The following CSMD2 variants were observed in gnomAD, a reference collection of about 807,000 sequenced individuals.
CSMD2 encodes CUB and sushi domain-containing protein 2.
CSMD2 carries 130 observed loss-of-function variants against 398.5 expected under a neutral mutation model. The ratio of observed to expected loss-of-function variants is 0.33; its 90% CI spans 0.28 to 0.38. The LOEUF is 0.38. Among genes scored for constraint, CSMD2 ranks in the 10% least tolerant of loss-of-function variants. The pLI is 1.00. For missense variants in CSMD2, 3,829 were observed against 4,764.9 expected (o/e 0.80, Z 5.78); for synonymous variants, 1,828 against 1,908.5 (o/e 0.96, Z 1.10).
chr1:33,663,314 G>A (rs1382444628), intron 25 of CSMD2, among the ~76,000 whole-genome samples: 1 of 152,126 alleles, frequency 6.6e-6, no homozygotes, highest in Non-Finnish European at 1.5e-5. Context: ...AAGGGTGCGA[G>A]GTGTAGGTTT....
chr1:33,791,189 A>C (rs1335731087), intron 11 of CSMD2, among the ~76,000 whole-genome samples: 1 of 152,210 alleles, frequency 6.6e-6, no homozygotes. Flanking sequence ...GTTGGGAAGG[A>C]GTGTGGCATG....
chr1:33,760,757 T>C (rs183350682), intron 13 of CSMD2, among the ~76,000 whole-genome samples: 4 of 152,130 alleles, frequency 2.6e-5, no homozygotes, highest in African/African-American at 7.2e-5. Context: ...ACATTCAATT[T>C]TGGCTGAATT....
chr1:34,033,203 G>T (rs963145259), intron 2 of CSMD2, among the ~76,000 whole-genome samples: 12 of 152,056 alleles, frequency 7.9e-5, no homozygotes, highest in Admixed American at 7.9e-4. Flanking sequence ...AGTTTTTAAA[G>T]AAAGCAAAAA....
At chr1:34,129,078 G>A (rs950517421) in intron 1 of CSMD2, among the ~76,000 whole-genome samples, 2 of 151,588 alleles carry the variant, frequency 1.3e-5, no homozygotes, top group South Asian at 4.1e-4. Flanking sequence ...GTACGTGGCT[G>A]CATGCCCACC....
intron 1 of CSMD2, among the ~76,000 whole-genome samples, chr1:34,090,787 T>C (rs991013573): frequency 1.1e-4 from 16 of 152,254 alleles, no homozygotes; most frequent in Non-Finnish European, 2.1e-4. Context: ...GGTGAGGTCA[T>C]GCCAACCTCC....
Position 33,600,907 on chromosome 1 carries a change from G to A in CSMD2, c.6814C>T (p.Arg2272Cys), listed in dbSNP as rs1203779321. ...AAGATCCCCCCTGTGGCTGCATCAC[G>A]GTGGAACTTGAGCAGGACCTGGTTG... The part of the protein sequence containing the change: ...SSNQVLLKFH[R>C]DAATGGIFAI... Residue 2272 changes from arginine (R) to cysteine (C), a missense_variant, in exon 44 of 71, where the codon CGT becomes TGT. Coordinates refer to ENST00000373381, the MANE Select transcript of CSMD2 (RefSeq NM_001281956.2). 7 of 1,614,118 alleles carry A rather than the reference G, an allele frequency of 4.3e-6. No individual in the cohort carries two copies. Among genetic ancestry groups the A allele is most frequent in the East Asian group, 4.5e-5 (2 of 44,880 alleles).
At chr1:33,567,975 G>GGGTGCCAAGTCCT in intron 52 of CSMD2, 134 bp from the exon 53 acceptor site, 3 of 1,075,298 alleles carry the variant, frequency 2.8e-6, no homozygotes, top group Non-Finnish European at 3.9e-6. Flanking sequence ...TGAGGACTTG[G>GGGTGCCAAGTCCT]CACCCCAAAT....
intron 41 of CSMD2, among the ~76,000 whole-genome samples, chr1:33,609,001 C>T (rs1223621153): frequency 2.0e-5 from 3 of 152,206 alleles, no homozygotes; most frequent in Admixed American, 6.5e-5. Context: ...CCATCCGACG[C>T]GTCATGACCT....
chr1:34,107,317 T>C (rs1458754472), intron 1 of CSMD2, among the ~76,000 whole-genome samples: 4 of 152,218 alleles, frequency 2.6e-5, no homozygotes, highest in African/African-American at 9.6e-5. Flanking sequence ...GCACCCACTG[T>C]GTCCCAGTGA....
In CSMD2 at chr1:34,143,865, A is replaced by C. The variant is rs539990103; in HGVS notation, c.187+21046T>G. Among the ~76,000 whole-genome samples, 7 of 152,270 alleles carry C rather than the reference A, an allele frequency of 4.6e-5. No homozygotes were observed. In the South Asian group the frequency reaches 1.5e-3, roughly 32 times the overall value. On this transcript the variant is annotated intron_variant, in intron 1 of 70. Transcript: ENST00000373381. ...TGATGCCCGGCCCTAATCTGACATC[A>C]GTTTCTATCAAGGAGTTAACCAAGG...
In CSMD2 at chr1:33,582,373, T is replaced by C. The variant is rs979971387; in HGVS notation, c.7240+1269A>G. Among the ~76,000 whole-genome samples the C allele has an allele frequency of 2.0e-5, 3 of 152,138 alleles. No individual in the cohort carries two copies. The East Asian group carries it at 5.8e-4, about 29-fold the overall frequency. On this transcript the variant is annotated intron_variant, in intron 47 of 70. Transcript: ENST00000373381. Reference sequence around the variant, plus strand: ...CCAAGAAGAGCAGCCAAAACAAGTATAACTATATGAACAAAACAGATCATT... The same window carrying C: ...CCAAGAAGAGCAGCCAAAACAAGTACAACTATATGAACAAAACAGATCATT...
rs748785808 is a variant in CSMD2 at position 33,635,299 on chromosome 1, G to A, written c.5001C>T (p.Asp1667=). The part of the protein sequence containing the change: ...APCGGQYVGS[D]GVVLSPNYPQ... ...GGTAGTTGGGGGACAAGACCACTCC[G>A]TCCGAACCCACATACTGTCCCCCAC... Residue 1667 remains aspartate (D), a synonymous_variant, in exon 31 of 71, where the codon GAC becomes GAT. Coordinates refer to ENST00000373381, the MANE Select transcript of CSMD2 (RefSeq NM_001281956.2). The surrounding 1 kb of genome is among the most constrained non-coding windows in gnomAD (Gnocchi z 5.0). The A allele has an allele frequency of 5.6e-6, 9 of 1,612,696 alleles. No individual in the cohort carries two copies. The highest frequency in any genetic ancestry group is 2.7e-5 in the African/African-American group (2 of 74,884).
chr1:33,707,683 ACGCGCG>A (rs148089714), intron 22 of CSMD2, among the ~76,000 whole-genome samples: 1,640 of 72,194 alleles, frequency 0.023, 20 homozygotes, highest in African/African-American at 0.058. Flanking sequence ...ACGCGTGCAC[ACGCGCG>A]CGCGCGCACA....
chr1:33,929,237 C>T (rs539284564), intron 4 of CSMD2, among the ~76,000 whole-genome samples: 2 of 152,224 alleles, frequency 1.3e-5, no homozygotes, highest in East Asian at 1.9e-4. Context: ...CACCTCTACT[C>T]CGGCCACCCT....
At chr1:33,982,046 A>G (rs1290683955) in intron 3 of CSMD2, among the ~76,000 whole-genome samples, 1 of 152,214 alleles carries the variant, frequency 6.6e-6, no homozygotes, top group African/African-American at 2.4e-5. Flanking sequence ...TAGAGCTACC[A>G]TAGCTGTCCA....
intron 5 of CSMD2, among the ~76,000 whole-genome samples, chr1:33,857,162 T>C (rs1224136027): frequency 6.6e-6 from 1 of 152,044 alleles, no homozygotes; most frequent in East Asian, 1.9e-4. Flanking sequence ...AGTTTCCCCA[T>C]CTATATAGTA....
intron 29 of CSMD2, among the ~76,000 whole-genome samples, chr1:33,641,667 C>T (rs1643114848): frequency 1.3e-5 from 2 of 152,192 alleles, no homozygotes; most frequent in African/African-American, 4.8e-5. Flanking sequence ...CCAGAGATGA[C>T]TAAGACACTA....
At chr1:34,029,648 C>G (rs533063796) in intron 3 of CSMD2, among the ~76,000 whole-genome samples, 2 of 152,332 alleles carry the variant, frequency 1.3e-5, no homozygotes, top group South Asian at 4.1e-4. Flanking sequence ...TGTCTGACTC[C>G]TTTGTTAGCA....
chr1:33,775,523 C>A (rs968872674), intron 12 of CSMD2, among the ~76,000 whole-genome samples: 3 of 152,128 alleles, frequency 2.0e-5, no homozygotes, highest in African/African-American at 7.2e-5. Flanking sequence ...CCTCCAATAA[C>A]CCAATAGTTA....
Sources: gnomAD v4.1 joint callset for allele counts (sites outside exome capture counted in the v4.1 genomes callset) on GRCh38, gnomAD v4.1.1 for gene constraint, Gnocchi (gnomAD v3.1) non-coding constraint, MANE v1.5 for transcripts, NCBI Gene and HGNC (gene_info 2026-07-23, HGNC 2026-07-21) for gene names.